Variants in TBPL2 observed in about 807,000 individuals in gnomAD.
TBPL2 encodes the protein TATA-box binding protein like 2, also known as TATA box-binding protein-like 2.
A neutral mutation model predicts 38.2 loss-of-function variants in TBPL2; 40 were observed. The observed-to-expected ratio is 1.05, with a 90% CI of 0.81 to 1.36. TBPL2 has a LOEUF of 1.36. Ranked by LOEUF, TBPL2 falls within the 40% of genes most tolerant of loss-of-function variation. The probability of loss-of-function intolerance (pLI) is 0.00; values close to 1 mark genes in which losing one functional copy is unlikely to be tolerated. For synonymous variants in TBPL2, 169 were observed against 171.7 expected (o/e 0.98, Z 0.12); for missense variants, 461 against 456.7 (o/e 1.01, Z -0.09).
intron 6 of TBPL2, among the ~76,000 whole-genome samples, chr14:55,416,806 C>T (rs1885675917): frequency 6.6e-6 from 1 of 152,188 alleles, no homozygotes; most frequent in Non-Finnish European, 1.5e-5. Flanking sequence ...ACACACATGC[C>T]CCTCTCCCAA....
chr14:55,416,500 T>C (rs1309384986), intron 6 of TBPL2, among the ~76,000 whole-genome samples: 2 of 152,126 alleles, frequency 1.3e-5, no homozygotes, highest in Non-Finnish European at 2.9e-5. Flanking sequence ...GCCAAAAAGT[T>C]TACTATCTGT....
intron 3 of TBPL2, among the ~76,000 whole-genome samples, chr14:55,434,734 C>T (rs1156714092): frequency 1.3e-5 from 2 of 152,164 alleles, no homozygotes; most frequent in East Asian, 3.8e-4. Flanking sequence ...TTATTGTATT[C>T]GGGTAACATC....
At chr14:55,437,118 A>T in intron 1 of TBPL2, 100 bp from the exon 2 acceptor site, 1 of 1,039,398 alleles carries the variant, frequency 9.6e-7, no homozygotes, top group Non-Finnish European at 1.5e-6. Flanking sequence ...CAATGTATTC[A>T]GTGTAAGAGG....
exon 7 of TBPL2, chr14:55,414,299 C>T (rs1385724441): frequency 1.5e-5 from 16 of 1,061,404 alleles, no homozygotes; most frequent in East Asian, 2.4e-5. Flanking sequence ...TACAATTAAA[C>T]GTAGAAGAAT....
At chr14:55,428,645 C>T (rs1472426664) in intron 5 of TBPL2, among the ~76,000 whole-genome samples, 162 bp downstream of exon 5, 1 of 151,818 alleles carries the variant, frequency 6.6e-6, no homozygotes, top group African/African-American at 2.4e-5. Flanking sequence ...CATGTGGTAA[C>T]CTATGAGAAC....
chr14:55,439,930 C>CAAAA (rs71131272), intron 1 of TBPL2, among the ~76,000 whole-genome samples: 21 of 39,178 alleles, frequency 5.4e-4, no homozygotes, highest in Non-Finnish European at 7.1e-4. Context: ...GACTCTGTCT[C>CAAAA]AAAAAAAAAA....
At chr14:55,436,791 T>C (rs767714891) in exon 2 of TBPL2, 4 of 1,614,112 alleles carry the variant, frequency 2.5e-6, no homozygotes, top group Non-Finnish European at 3.4e-6. Context: ...GACTTTGGCT[T>C]TCAGAATTTT....
At chr14:55,436,955 G>A (rs1357460984) in exon 2 of TBPL2, 1 of 1,614,216 alleles carries the variant, frequency 6.2e-7, no homozygotes, top group South Asian at 1.1e-5. Context: ...GATGCATTCA[G>A]TATGTACATA....
At chr14:55,431,537 T>A (rs966729095) in intron 4 of TBPL2, among the ~76,000 whole-genome samples, 10 of 152,344 alleles carry the variant, frequency 6.6e-5, no homozygotes, top group African/African-American at 2.4e-4. Context: ...GTTTTCCCTG[T>A]TCTATTGCTG....
exon 5 of TBPL2, chr14:55,428,812 G>A (rs1238758567): frequency 3.7e-6 from 6 of 1,613,710 alleles, no homozygotes; most frequent in Non-Finnish European, 4.2e-6. Flanking sequence ...CATACCTACT[G>A]AACTGCTGAT....
At chr14:55,436,045 G>T (rs777094702) in intron 2 of TBPL2, 111 bp from the exon 3 acceptor site, 2 of 606,726 alleles carry the variant, frequency 3.3e-6, no homozygotes, top group Non-Finnish European at 5.4e-6. Flanking sequence ...TTCCTAGGGG[G>T]AGAATTATTC....
chr14:55,420,882 AC>A (rs759969556), intron 6 of TBPL2, among the ~76,000 whole-genome samples: 25 of 151,922 alleles, frequency 1.6e-4, no homozygotes, highest in Non-Finnish European at 3.4e-4. Flanking sequence ...ACACGGTGAA[AC>A]CCCGTCTCTA....
intron 6 of TBPL2, 26 bp downstream of exon 6, chr14:55,424,133 A>T: frequency 6.5e-7 from 1 of 1,526,810 alleles, no homozygotes; most frequent in Non-Finnish European, 9.1e-7. Flanking sequence ...ACATTTTATG[A>T]GTCAGAAAAT....
intron 4 of TBPL2, among the ~76,000 whole-genome samples, chr14:55,430,673 AG>A (rs1410429523): frequency 1.3e-5 from 2 of 152,186 alleles, no homozygotes; most frequent in Non-Finnish European, 2.9e-5. Flanking sequence ...CTGAGGTTAC[AG>A]GTGTGAGCCA....
chr14:55,436,866 G>A (rs144090597), exon 2 of TBPL2: 13 of 1,614,098 alleles, frequency 8.1e-6, no homozygotes, highest in Non-Finnish European at 1.1e-5. Flanking sequence ...CATCTGGTAG[G>A]AAGCTAAGAT....
At chr14:55,437,501 A>G (rs1322894641) in intron 1 of TBPL2, among the ~76,000 whole-genome samples, 3 of 152,240 alleles carry the variant, frequency 2.0e-5, no homozygotes, top group African/African-American at 7.2e-5. Context: ...TTACAGTTAC[A>G]GCACACTTAA....
intron 1 of TBPL2, among the ~76,000 whole-genome samples, chr14:55,439,957 C>G (rs1304058543): frequency 2.2e-5 from 2 of 91,232 alleles, no homozygotes; most frequent in African/African-American, 4.3e-5. Context: ...AAAAATTAGC[C>G]AGGTGTGGTG....
chr14:55,420,800 C>T (rs1406624871), intron 6 of TBPL2, among the ~76,000 whole-genome samples: 1 of 152,028 alleles, frequency 6.6e-6, no homozygotes, highest in Non-Finnish European at 1.5e-5. Context: ...TGGCTCACTC[C>T]TGTAATCCCA....
At position 55,434,631 on chromosome 14, in the gene TBPL2, T is replaced by A. The variant is rs1489691444; in HGVS notation, c.697-910A>T. On this transcript the variant is annotated intron_variant, in intron 3 of 6. Coordinates refer to ENST00000247219, the Ensembl canonical transcript of TBPL2. ...GTTGCCTAAAATGCTGATTGTTCAATAATGTGATCACAGCTGCAGCTGTGA... is the reference window on the plus strand; with the variant it reads ...GTTGCCTAAAATGCTGATTGTTCAAAAATGTGATCACAGCTGCAGCTGTGA... 5.3e-5 allele frequency among the ~76,000 whole-genome samples: 8 copies of A among 151,538 alleles called. 1 individual carries two copies. The highest frequency in any genetic ancestry group is 5.2e-4 in the Admixed American group (8 of 15,240).
Sources: allele counts gnomAD v4.1 joint callset (sites outside exome capture counted in the v4.1 genomes callset), GRCh38; gene constraint gnomAD v4.1.1; transcripts MANE v1.5; gene names NCBI Gene and HGNC (gene_info 2026-07-23, HGNC 2026-07-21).